Variants in PCDH15 observed in about 807,000 individuals in gnomAD.
PCDH15 encodes protocadherin-15.
PCDH15 carries 129 observed loss-of-function variants against 178.5 expected under a neutral mutation model. The ratio of observed to expected loss-of-function variants is 0.72; its 90% CI spans 0.63 to 0.84. The LOEUF is 0.84. Ranked by LOEUF, PCDH15 falls within the 40% of genes least tolerant of loss-of-function variation. The pLI, the probability that PCDH15 is intolerant of heterozygous loss-of-function variation, is 0.00. For synonymous variants in PCDH15, 800 were observed against 732.0 expected (o/e 1.09, Z -1.50); for missense variants, 2,230 against 2,099.9 (o/e 1.06, Z -1.21).
chr10:54,028,852 T>C (rs888397013), intron 18 of PCDH15, among the ~76,000 whole-genome samples: 3 of 149,860 alleles, frequency 2.0e-5, no homozygotes, highest in African/African-American at 7.4e-5. Context: ...GACGAGTTAG[T>C]GGGTGCAGCG....
Position 54,350,468 on chromosome 10 carries a change from T to C in PCDH15, c.475-3984A>G, listed in dbSNP as rs554668187. On this transcript the variant is annotated intron_variant, in intron 5 of 37. Transcript: ENST00000644397. ...AAAATGGATCAGTCATACATTTTTC[T>C]CATGATCTGCTCAAATTTCATGATT... is the stretch of plus-strand genomic sequence containing the variant. 1.9e-4 allele frequency among the ~76,000 whole-genome samples: 29 copies of C among 152,346 alleles called. No individual in the cohort carries two copies. In the South Asian group the frequency reaches 6.0e-3, roughly 32 times the overall value.
chr10:54,281,982 C>T (rs903742965), intron 8 of PCDH15, among the ~76,000 whole-genome samples: 3 of 152,062 alleles, frequency 2.0e-5, no homozygotes, highest in Non-Finnish European at 4.4e-5. Context: ...GTGTTCGAAG[C>T]AAATTTCTTA....
intron 2 of PCDH15, among the ~76,000 whole-genome samples, chr10:55,534,252 G>A (rs1040583459): frequency 5.3e-5 from 8 of 151,294 alleles, no homozygotes; most frequent in Non-Finnish European, 1.0e-4. Context: ...TGTTTTCTCC[G>A]AGCAAAAGAA....
At chr10:54,548,682 A>G (rs2086173272) in intron 2 of PCDH15, among the ~76,000 whole-genome samples, 1 of 148,816 alleles carries the variant, frequency 6.7e-6, no homozygotes, top group African/African-American at 2.5e-5. Flanking sequence ...TTTCACATAT[A>G]TATACAACAT....
At chr10:53,869,363 G>T (rs887342791) in intron 26 of PCDH15, among the ~76,000 whole-genome samples, 1 of 152,086 alleles carries the variant, frequency 6.6e-6, no homozygotes, top group Non-Finnish European at 1.5e-5. Flanking sequence ...GATAGAAAAA[G>T]GCATATTCCC....
chr10:55,399,693 T>C (rs1027478519), intron 2 of PCDH15, among the ~76,000 whole-genome samples: 26 of 152,124 alleles, frequency 1.7e-4, no homozygotes, highest in African/African-American at 6.3e-4. Flanking sequence ...GTCTGATATA[T>C]GAGAGGGGGT....
At position 54,774,231 on chromosome 10, in the gene PCDH15, T is replaced by A. The variant is rs983405505; in HGVS notation, c.-29+26694A>T. ...TTTTAGTAGAGACGGGGTTTCACCG[T>A]GTTAGCCAGGATGGTCTCGATCTCC... On this transcript the variant is annotated intron_variant, in intron 1 of 37. Transcript: ENST00000644397. Among the ~76,000 whole-genome samples the A allele has an allele frequency of 5.9e-5, 9 of 151,896 alleles. No individual in the cohort carries two copies. The East Asian group carries it at 1.7e-3, about 30-fold the overall frequency.
intron 2 of PCDH15, among the ~76,000 whole-genome samples, chr10:55,437,832 C>CTTTTTTTTTTTTTTT (rs778307616): frequency 1.2e-5 from 1 of 85,176 alleles, no homozygotes; most frequent in African/African-American, 4.9e-5. Context: ...TATTGCTTTT[C>CTTTTTTTTTTTTTTT]TTTTTTTTTT....
chr10:54,828,122 T>G (rs1179841389), intron 3 of PCDH15, among the ~76,000 whole-genome samples: 1 of 151,970 alleles, frequency 6.6e-6, no homozygotes, highest in Non-Finnish European at 1.5e-5. Flanking sequence ...TCAACTAGGT[T>G]ACAGGGAAGC....
chr10:53,928,983 C>T (rs1202552861), intron 25 of PCDH15, among the ~76,000 whole-genome samples: 1 of 152,132 alleles, frequency 6.6e-6, no homozygotes, highest in East Asian at 1.9e-4. Flanking sequence ...CTATTTTATG[C>T]ATTCCTAGAT....
At chr10:54,278,497 T>C (rs1385841170) in intron 8 of PCDH15, among the ~76,000 whole-genome samples, 1 of 151,606 alleles carries the variant, frequency 6.6e-6, no homozygotes, top group Non-Finnish European at 1.5e-5. Context: ...ATGGGTAAAT[T>C]ATGTCTACTC....
At chr10:55,616,627 A>C (rs1843483475) in intron 2 of PCDH15, among the ~76,000 whole-genome samples, 1 of 152,128 alleles carries the variant, frequency 6.6e-6, no homozygotes, top group Non-Finnish European at 1.5e-5. Flanking sequence ...GTAGCAAGAA[A>C]ATTTTTATCA....
intron 1 of PCDH15, among the ~76,000 whole-genome samples, chr10:54,708,535 A>G (rs977198429): frequency 7.2e-5 from 11 of 152,344 alleles, no homozygotes; most frequent in African/African-American, 2.4e-4. Context: ...ATCGGACATT[A>G]GATCTGACAT....
intron 9 of PCDH15, among the ~76,000 whole-genome samples, chr10:54,230,390 A>C (rs1198633680): frequency 6.6e-6 from 1 of 152,188 alleles, no homozygotes; most frequent in African/African-American, 2.4e-5. Context: ...AAAACAAAAA[A>C]GGAAACAGAA....
At chr10:55,500,824 C>T (rs890246981) in intron 2 of PCDH15, among the ~76,000 whole-genome samples, 2 of 151,750 alleles carry the variant, frequency 1.3e-5, no homozygotes, top group African/African-American at 4.8e-5. Flanking sequence ...AACCCAAATA[C>T]ATATAATACA....
At chr10:53,962,586 T>C (rs2088476132) in intron 21 of PCDH15, among the ~76,000 whole-genome samples, 1 of 152,194 alleles carries the variant, frequency 6.6e-6, no homozygotes, top group Non-Finnish European at 1.5e-5. Flanking sequence ...TGCTTACCAC[T>C]TGCCGGAACC....
chr10:54,323,346 A>G (rs1294324854), intron 7 of PCDH15, among the ~76,000 whole-genome samples: 2 of 152,166 alleles, frequency 1.3e-5, no homozygotes, highest in Non-Finnish European at 2.9e-5. Context: ...CATTCAACCT[A>G]CCAACCCCAT....
At position 53,854,136 on chromosome 10, in the gene PCDH15, T is replaced by C. The variant is rs73238461; in HGVS notation, c.3806+3039A>G. On this transcript the variant is annotated intron_variant, in intron 28 of 37. Coordinates refer to ENST00000644397, the MANE Select transcript of PCDH15 (RefSeq NM_001384140.1). ...ACATGGATGAATCATGGGAATATCA[T>C]GCTAAGTGAAATAATCCAATCACAA... Among the ~76,000 whole-genome samples the C allele has an allele frequency of 5.3e-3, 803 of 152,040 alleles. 9 individuals carry two copies. Among genetic ancestry groups the C allele is most frequent in the African/African-American group, 0.018 (752 of 41,522 alleles).
At chr10:55,400,990 G>A (rs1012843290) in intron 2 of PCDH15, among the ~76,000 whole-genome samples, 2 of 152,122 alleles carry the variant, frequency 1.3e-5, no homozygotes, top group Admixed American at 6.6e-5. Flanking sequence ...TAATCCTACT[G>A]AAGCACTAAA....
Sources: allele counts gnomAD v4.1 joint callset (sites outside exome capture counted in the v4.1 genomes callset), GRCh38; gene constraint gnomAD v4.1.1; transcripts MANE v1.5; gene names NCBI Gene and HGNC (gene_info 2026-07-23, HGNC 2026-07-21).